The following NXPH1 variants were observed in gnomAD, a reference collection of about 807,000 sequenced individuals.
The protein encoded by NXPH1 is neurexophilin 1, also known as neurexophilin-1.
A neutral mutation model predicts 23.7 loss-of-function variants in NXPH1; 5 were observed. That is an observed-to-expected ratio of 0.21 (90% CI 0.11 to 0.44). NXPH1 has a LOEUF of 0.44. Among genes scored for constraint, NXPH1 ranks in the 20% least tolerant of loss-of-function variants. The pLI is 0.99. For missense variants in NXPH1, 324 were observed against 321.6 expected (o/e 1.01, Z -0.06); for synonymous variants, 144 against 122.2 (o/e 1.18, Z -1.18).
intron 2 of NXPH1, among the ~76,000 whole-genome samples, chr7:8,739,760 CTT>C (rs1318634843): frequency 6.6e-6 from 1 of 152,034 alleles, no homozygotes; most frequent in Non-Finnish European, 1.5e-5. Flanking sequence ...AAAATATTTT[CTT>C]TCTTTCCATC....
intron 2 of NXPH1, among the ~76,000 whole-genome samples, chr7:8,586,896 A>G (rs1406798251): frequency 6.6e-6 from 1 of 152,050 alleles, no homozygotes; most frequent in African/African-American, 2.4e-5. Flanking sequence ...ACCATGCAAT[A>G]CTCTATCCCT....
In NXPH1 at chr7:8,442,607, T is replaced by A. The variant is rs927638423; in HGVS notation, c.54+6840T>A. On this transcript the variant is annotated intron_variant, in intron 2 of 2. Transcript: ENST00000405863. The surrounding 1 kb of genome is among the most constrained non-coding windows in gnomAD (Gnocchi z 4.6). Reference sequence around the variant, plus strand: ...AAGAAGCAAGAAACTTTTTTCGACGTAGGCTTCATACCCTCCCTTCGGAAA... The same window carrying A: ...AAGAAGCAAGAAACTTTTTTCGACGAAGGCTTCATACCCTCCCTTCGGAAA... 3.9e-5 allele frequency among the ~76,000 whole-genome samples: 6 copies of A among 152,224 alleles called. No homozygotes were observed. Among genetic ancestry groups the A allele is most frequent in the Non-Finnish European group, 8.8e-5 (6 of 68,040 alleles).
chr7:8,737,786 G>C (rs918975266), intron 2 of NXPH1, among the ~76,000 whole-genome samples: 1 of 152,164 alleles, frequency 6.6e-6, no homozygotes, highest in Non-Finnish European at 1.5e-5. Flanking sequence ...AGGTAGGTTT[G>C]TTTTATTCAC....
At chr7:8,712,965 T>A (rs1277680861) in intron 2 of NXPH1, among the ~76,000 whole-genome samples, 1 of 152,176 alleles carries the variant, frequency 6.6e-6, no homozygotes. Context: ...TATCTTTCTC[T>A]AGGTTTGGAA....
At chr7:8,527,892 A>G (rs901053540) in intron 2 of NXPH1, among the ~76,000 whole-genome samples, 4 of 152,238 alleles carry the variant, frequency 2.6e-5, no homozygotes, top group Non-Finnish European at 5.9e-5. Context: ...AATTGATCAG[A>G]TAGATTTTAA....
intron 2 of NXPH1, among the ~76,000 whole-genome samples, chr7:8,622,114 C>T (rs976731623): frequency 1.3e-5 from 2 of 152,110 alleles, no homozygotes; most frequent in Non-Finnish European, 2.9e-5. Flanking sequence ...TTTAGAAAGC[C>T]TCTATTTTAC....
At chr7:8,730,222 G>A (rs1780126551) in intron 2 of NXPH1, among the ~76,000 whole-genome samples, 1 of 149,224 alleles carries the variant, frequency 6.7e-6, no homozygotes, top group African/African-American at 2.5e-5. Context: ...TTTATTTTGA[G>A]CCTATGTGTG....
intron 2 of NXPH1, among the ~76,000 whole-genome samples, chr7:8,524,530 G>T (rs1817832339): frequency 6.6e-6 from 1 of 152,072 alleles, no homozygotes; most frequent in African/African-American, 2.4e-5. Flanking sequence ...TCTCTCCTTT[G>T]CCCAATTAAG....
chr7:8,652,254 A>G (rs1820502421), intron 2 of NXPH1, among the ~76,000 whole-genome samples: 1 of 152,210 alleles, frequency 6.6e-6, no homozygotes, highest in Non-Finnish European at 1.5e-5. Context: ...CTGCCTGCCA[A>G]GAAATAACCA....
At chr7:8,538,912 G>C (rs1818068473) in intron 2 of NXPH1, among the ~76,000 whole-genome samples, 1 of 151,926 alleles carries the variant, frequency 6.6e-6, no homozygotes, top group East Asian at 1.9e-4. Flanking sequence ...GAAATTAGCA[G>C]ACTATCCAAT....
chr7:8,502,446 T>G (rs1817452411), intron 2 of NXPH1, among the ~76,000 whole-genome samples: 1 of 151,988 alleles, frequency 6.6e-6, no homozygotes, highest in Admixed American at 6.6e-5. Flanking sequence ...CAAGGTGCTG[T>G]CTTGCACTCA....
At chr7:8,621,490 C>CTTTTT (rs113473603) in intron 2 of NXPH1, among the ~76,000 whole-genome samples, 1 of 140,256 alleles carries the variant, frequency 7.1e-6, no homozygotes, top group Admixed American at 7.5e-5. Context: ...GCTAGCCACT[C>CTTTTT]TTTTTTTTTT....
intron 2 of NXPH1, among the ~76,000 whole-genome samples, chr7:8,534,842 C>T (rs984415843): frequency 6.6e-6 from 1 of 152,038 alleles, no homozygotes; most frequent in Non-Finnish European, 1.5e-5. Context: ...GCAAAAACTA[C>T]AACGCAGGTT....
At chr7:8,437,853 A>G (rs1816222896) in intron 2 of NXPH1, among the ~76,000 whole-genome samples, 1 of 152,242 alleles carries the variant, frequency 6.6e-6, no homozygotes, top group African/African-American at 2.4e-5. Context: ...AATACAGAGA[A>G]AGGAGACAAT....
chr7:8,520,788 A>G (rs1817758955), intron 2 of NXPH1, among the ~76,000 whole-genome samples: 1 of 152,186 alleles, frequency 6.6e-6, no homozygotes, highest in Admixed American at 6.5e-5. Context: ...GTTGCATTGT[A>G]TCATAAACAT....
At chr7:8,524,563 A>G (rs1472971612) in intron 2 of NXPH1, among the ~76,000 whole-genome samples, 6 of 152,166 alleles carry the variant, frequency 3.9e-5, no homozygotes. Flanking sequence ...TAAAATGACA[A>G]TGCCAAGGTG....
chr7:8,563,600 C>T (rs1818488076), intron 2 of NXPH1, among the ~76,000 whole-genome samples: 1 of 151,696 alleles, frequency 6.6e-6, no homozygotes, highest in African/African-American at 2.4e-5. Context: ...ATGTGGAGAG[C>T]TAGTATGAGA....
At chr7:8,460,532 GT>G (rs1192133620) in intron 2 of NXPH1, among the ~76,000 whole-genome samples, 1 of 152,188 alleles carries the variant, frequency 6.6e-6, no homozygotes, top group Non-Finnish European at 1.5e-5. Flanking sequence ...TGTTTAGTTA[GT>G]AATAGAATGT....
Position 8,631,692 on chromosome 7 carries a change from C to T in NXPH1, c.55-119316C>T, listed in dbSNP as rs555715596. ...AAAGGATTTTAACAGTTTTCGGTCA[C>T]CACAATGTTGATAGCACTTGCAGGT... On this transcript the variant is annotated intron_variant, in intron 2 of 2. Coordinates refer to ENST00000405863, the MANE Select transcript of NXPH1 (RefSeq NM_152745.3). Among the ~76,000 whole-genome samples, 4 of 152,258 alleles carry T rather than the reference C, an allele frequency of 2.6e-5. No homozygotes were observed. In the South Asian group the frequency reaches 8.3e-4, roughly 32 times the overall value.
Sources: allele counts gnomAD v4.1 joint callset (sites outside exome capture counted in the v4.1 genomes callset), GRCh38; gene constraint gnomAD v4.1.1; non-coding constraint Gnocchi (gnomAD v3.1); transcripts MANE v1.5; gene names NCBI Gene and HGNC (gene_info 2026-07-23, HGNC 2026-07-21).